PCDH15: variants seen among roughly 807,000 people sequenced by gnomAD.
The protein encoded by PCDH15 is protocadherin related 15.
In PCDH15, 129 loss-of-function variants were observed where a neutral mutation model predicts 178.5. The observed-to-expected ratio is 0.72, with a 90% confidence interval of 0.63 to 0.84. PCDH15 has a LOEUF of 0.84. Among genes scored for constraint, PCDH15 ranks in the 40% least tolerant of loss-of-function variants. The pLI, the probability that PCDH15 is intolerant of heterozygous loss-of-function variation, is 0.00. For missense variants in PCDH15, 2,230 were observed against 2,099.9 expected (o/e 1.06, Z -1.21); for synonymous variants, 800 against 732.0 (o/e 1.09, Z -1.50).
intron 3 of PCDH15, among the ~76,000 whole-genome samples, chr10:54,848,311 G>A (rs1953548946): frequency 6.8e-6 from 1 of 147,388 alleles, no homozygotes; most frequent in Non-Finnish European, 1.5e-5. Flanking sequence ...GAACCTGGAA[G>A]GCAGAAGTTG....
chr10:55,186,604 G>A (rs1839805726), intron 1 of PCDH15, among the ~76,000 whole-genome samples: 2 of 151,656 alleles, frequency 1.3e-5, no homozygotes, highest in Admixed American at 6.6e-5. Flanking sequence ...ACAGCTGCTA[G>A]TAAACATTTT....
At chr10:53,811,288 TATAA>T (rs1409723708) in intron 36 of PCDH15, among the ~76,000 whole-genome samples, 1 of 152,116 alleles carries the variant, frequency 6.6e-6, no homozygotes, top group Admixed American at 6.5e-5. Flanking sequence ...CTATTTCCCA[TATAA>T]ATAATTTTGA....
At chr10:54,776,264 T>A (rs1949692150) in intron 1 of PCDH15, among the ~76,000 whole-genome samples, 1 of 152,190 alleles carries the variant, frequency 6.6e-6, no homozygotes, top group Admixed American at 6.5e-5. Context: ...GATGTACTGA[T>A]TAATTTTCCT....
intron 2 of PCDH15, among the ~76,000 whole-genome samples, chr10:54,940,508 A>G (rs1616289): frequency 0.41 from 62,816 of 151,838 alleles, 14,334 homozygotes; most frequent in Middle Eastern, 0.53. Flanking sequence ...GCTGTATTGG[A>G]TAGGTTATTC....
chr10:53,905,729 C>T (rs1173208044), intron 25 of PCDH15, among the ~76,000 whole-genome samples: 1 of 152,042 alleles, frequency 6.6e-6, no homozygotes, highest in Non-Finnish European at 1.5e-5. Context: ...CCAAATTGTT[C>T]CTATGAAAGC....
intron 2 of PCDH15, among the ~76,000 whole-genome samples, chr10:54,923,295 C>T (rs968819625): frequency 7.2e-6 from 1 of 138,494 alleles, no homozygotes; most frequent in South Asian, 2.3e-4. Context: ...TTCTCCAAGG[C>T]CTCCAGGCCT....
At chr10:54,043,592 T>C (rs191125350) in intron 18 of PCDH15, among the ~76,000 whole-genome samples, 7 of 152,196 alleles carry the variant, frequency 4.6e-5, no homozygotes, top group African/African-American at 1.7e-4. Context: ...ATTTGCCATG[T>C]TGCTCAGGCT....
chr10:55,375,924 T>G (rs1302885393), intron 2 of PCDH15, among the ~76,000 whole-genome samples: 1 of 152,016 alleles, frequency 6.6e-6, no homozygotes, highest in Non-Finnish European at 1.5e-5. Flanking sequence ...CTATGTAATT[T>G]TTGAAAATAC....
Position 53,869,160 on chromosome 10 carries a change from A to G in PCDH15, c.3502-2303T>C, listed in dbSNP as rs570202722. ...TCAAACTACCGGCTAATCACTTTAG[A>G]TAGTTTATATGGCTTACAGCATGGC... On this transcript the variant is annotated intron_variant, in intron 26 of 37. Transcript: ENST00000644397. 9.2e-5 allele frequency among the ~76,000 whole-genome samples: 14 copies of G among 152,282 alleles called. No homozygotes were observed. The South Asian group carries it at 2.9e-3, about 32-fold the overall frequency.
intron 2 of PCDH15, among the ~76,000 whole-genome samples, chr10:55,033,180 C>G (rs1591847493): frequency 6.6e-6 from 1 of 152,164 alleles, no homozygotes; most frequent in Admixed American, 6.5e-5. Flanking sequence ...AGAGAGTCCT[C>G]AAAGGGAGAG....
rs570962776 is a variant in PCDH15 at position 54,188,772 on chromosome 10, T to C, written c.1306-3504A>G. 3.9e-5 allele frequency among the ~76,000 whole-genome samples: 6 copies of C among 151,952 alleles called. No homozygotes were observed. In the South Asian group the frequency reaches 1.2e-3, roughly 32 times the overall value. On this transcript the variant is annotated intron_variant, in intron 11 of 37. Transcript: ENST00000644397. ...ACCAACTTGGGGTTTCTAATGGGAA[T>C]AAATATAGGATATCACAAACACACA...
chr10:53,918,548 C>T (rs1471508436), intron 25 of PCDH15, among the ~76,000 whole-genome samples: 2 of 152,102 alleles, frequency 1.3e-5, no homozygotes, highest in Non-Finnish European at 2.9e-5. Context: ...ACAGTTGCCC[C>T]TTCTATATTT....
At chr10:55,376,498 T>G (rs2131995536) in intron 2 of PCDH15, among the ~76,000 whole-genome samples, 1 of 152,246 alleles carries the variant, frequency 6.6e-6, no homozygotes, top group South Asian at 2.1e-4. Flanking sequence ...CAGAAGTATT[T>G]ATCTGGCTTT....
chr10:55,440,125 A>G (rs1839144993), intron 2 of PCDH15, among the ~76,000 whole-genome samples: 1 of 152,214 alleles, frequency 6.6e-6, no homozygotes, highest in Non-Finnish European at 1.5e-5. Context: ...TAAATGGTCA[A>G]TATCATGTAA....
chr10:54,367,415 A>T (rs1946967100), intron 5 of PCDH15, among the ~76,000 whole-genome samples: 1 of 152,164 alleles, frequency 6.6e-6, no homozygotes, highest in Non-Finnish European at 1.5e-5. Flanking sequence ...AAGTGGAAAC[A>T]GTCAAATCAC....
At chr10:54,032,925 C>T (rs776500816) in intron 18 of PCDH15, among the ~76,000 whole-genome samples, 1 of 151,834 alleles carries the variant, frequency 6.6e-6, no homozygotes, top group Non-Finnish European at 1.5e-5. Flanking sequence ...AAGGAACTCC[C>T]AATCACTTAT....
At chr10:54,289,835 G>T (rs907623209) in intron 8 of PCDH15, among the ~76,000 whole-genome samples, 14 of 152,084 alleles carry the variant, frequency 9.2e-5, no homozygotes, top group Admixed American at 7.9e-4. Context: ...AGTGAGAAGA[G>T]AAGGTTAGAG....
rs907813569 is a variant in PCDH15, at chr10:54,702,786, G to C, written c.-28-38496C>G. On this transcript the variant is annotated intron_variant, in intron 1 of 37. Coordinates refer to ENST00000644397, the MANE Select transcript of PCDH15 (RefSeq NM_001384140.1). ...TGAATTCTACCAGATGTATAAAGAA[G>C]AGCTGCATCATTTCTGCTGAAACTA... is the stretch of plus-strand genomic sequence containing the variant. 2.7e-4 allele frequency among the ~76,000 whole-genome samples: 41 copies of C among 152,108 alleles called. 1 individual carries two copies. The highest frequency in any genetic ancestry group is 2.4e-3 in the Admixed American group (36 of 15,242).
At chr10:55,067,855 T>C (rs527255340) in intron 2 of PCDH15, among the ~76,000 whole-genome samples, 8 of 152,204 alleles carry the variant, frequency 5.3e-5, no homozygotes, top group East Asian at 3.9e-4. Context: ...TGATGAGCAT[T>C]TTTTCATAAG....
Sources: gnomAD v4.1 joint callset for allele counts (sites outside exome capture counted in the v4.1 genomes callset) on GRCh38, gnomAD v4.1.1 for gene constraint, MANE v1.5 for transcripts, NCBI Gene and HGNC (gene_info 2026-07-23, HGNC 2026-07-21) for gene names.